The following PRR16 variants were observed in gnomAD, a reference collection of about 807,000 sequenced individuals.
PRR16 encodes proline rich 16.
Under a neutral mutation model 18.2 loss-of-function variants are expected in PRR16, and 6 were observed. The observed-to-expected ratio is 0.33, with a 90% CI of 0.18 to 0.65. The LOEUF (loss-of-function observed/expected upper bound fraction) is 0.65, where lower values mean the gene tolerates loss of function less well. PRR16 is among the 30% of genes least tolerant of loss of function. The pLI is 0.74. For missense variants in PRR16, 412 were observed against 376.6 expected (o/e 1.09, Z -0.78); for synonymous variants, 151 against 147.8 (o/e 1.02, Z -0.16).
At position 120,550,552 on chromosome 5, in the gene PRR16, G is replaced by A. The variant is rs548417549; in HGVS notation, c.159+85907G>A. 2.6e-5 allele frequency among the ~76,000 whole-genome samples: 4 copies of A among 152,096 alleles called. No homozygotes were observed. In the South Asian group the frequency reaches 8.3e-4, roughly 32 times the overall value. ...CCGACAGAAATGAGTGGACTTCAAC[G>A]CATGCAGTAAAAGGGTGTTTGAAAA... On this transcript the variant is annotated intron_variant, in intron 1 of 1. Coordinates refer to ENST00000407149, the MANE Select transcript of PRR16 (RefSeq NM_001300783.2).
In PRR16 at chr5:120,686,122, C is replaced by G; in HGVS notation, c.328C>G (p.Pro110Ala). ...ACCGCTTATTAAACCCCCAGCACAC[C>G]CGTCTGCTATCCTCACGGTCCTGAG... ...NAPLIKPPAH[P>A]SAILTVLRKP... The change falls in exon 2 of 2, where the codon CCG becomes GCG. Residue 110 changes from proline to alanine, a missense_variant. By Grantham distance (27) the Pro-to-Ala change is conservative. Coordinates refer to ENST00000407149, the MANE Select transcript of PRR16 (RefSeq NM_001300783.2). The G allele has an allele frequency of 6.2e-7, 1 of 1,613,932 alleles. No homozygotes were observed. The highest frequency in any genetic ancestry group is 8.5e-7 in the Non-Finnish European group (1 of 1,179,970).
the PRR16 span, among the ~76,000 whole-genome samples, chr5:120,745,426 C>G: frequency 6.6e-6 from 1 of 152,114 alleles, no homozygotes; most frequent in Non-Finnish European, 1.5e-5. Context: ...TCATTATGCT[C>G]TTTCCATCCA....
At chr5:120,791,483 C>T in the PRR16 span, among the ~76,000 whole-genome samples, 1 of 151,768 alleles carries the variant, frequency 6.6e-6, no homozygotes, top group African/African-American at 2.4e-5. Context: ...AGTTTTGTTT[C>T]TGGAATTCTG....
At chr5:120,785,590 TGAGACAGAGTC>T in the PRR16 span, among the ~76,000 whole-genome samples, 5 of 144,446 alleles carry the variant, frequency 3.5e-5, no homozygotes, top group South Asian at 2.2e-4. Flanking sequence ...TTTTTTTTTT[TGAGACAGAGTC>T]TTTCTCTGTC....
Position 120,539,645 on chromosome 5 carries a change from G to A in PRR16, c.159+75000G>A, listed in dbSNP as rs555506944. On this transcript the variant is annotated intron_variant, in intron 1 of 1. Coordinates refer to ENST00000407149, the MANE Select transcript of PRR16 (RefSeq NM_001300783.2). ...TTACCCATGTAACAAACCTGCACAT[G>A]TGCCCCTTGAACCTGAAATAGAACT... 3.3e-5 allele frequency among the ~76,000 whole-genome samples: 5 copies of A among 151,952 alleles called. No homozygotes were observed. In the East Asian group the frequency reaches 9.7e-4, roughly 29 times the overall value.
intron 1 of PRR16, among the ~76,000 whole-genome samples, chr5:120,625,133 C>T (rs1580801430): frequency 6.6e-6 from 1 of 152,056 alleles, no homozygotes; most frequent in South Asian, 2.1e-4. Flanking sequence ...ATTTTTTTGC[C>T]TTTCTTTTGT....
At chr5:120,783,300 T>C in the PRR16 span, among the ~76,000 whole-genome samples, 1 of 152,140 alleles carries the variant, frequency 6.6e-6, no homozygotes, top group Non-Finnish European at 1.5e-5. Context: ...TAATCAGACT[T>C]AAAGATTACA....
intron 1 of PRR16, among the ~76,000 whole-genome samples, chr5:120,673,674 C>T (rs988367074): frequency 2.0e-4 from 30 of 152,082 alleles, no homozygotes; most frequent in Non-Finnish European, 1.9e-4. Flanking sequence ...CACAATGGCT[C>T]ATGCCGATAA....
chr5:120,793,041 A>T, the PRR16 span, among the ~76,000 whole-genome samples: 1 of 152,252 alleles, frequency 6.6e-6, no homozygotes, highest in South Asian at 2.1e-4. Context: ...AGTTCCAGCT[A>T]CTTGGTTAGC....
chr5:120,526,496 C>T (rs1751350668), intron 1 of PRR16, among the ~76,000 whole-genome samples: 1 of 152,008 alleles, frequency 6.6e-6, no homozygotes, highest in South Asian at 2.1e-4. Flanking sequence ...TGAATTATTG[C>T]CGTTCCCTCC....
intron 1 of PRR16, among the ~76,000 whole-genome samples, chr5:120,506,220 A>G (rs569793020): frequency 2.6e-5 from 4 of 152,068 alleles, no homozygotes; most frequent in African/African-American, 7.2e-5. Flanking sequence ...TTAATTTGCA[A>G]TTTTCATAAA....
chr5:120,502,880 G>T (rs1171128796), intron 1 of PRR16, among the ~76,000 whole-genome samples: 1 of 152,108 alleles, frequency 6.6e-6, no homozygotes, highest in Non-Finnish European at 1.5e-5. Context: ...TTCTTATTCA[G>T]ATAGTCTACT....
chr5:120,739,410 A>G, the PRR16 span, among the ~76,000 whole-genome samples: 117 of 152,274 alleles, frequency 7.7e-4, no homozygotes, highest in African/African-American at 2.8e-3. Context: ...CATGGTTATA[A>G]GAGGGCAATG....
intron 1 of PRR16, among the ~76,000 whole-genome samples, chr5:120,542,059 G>A (rs10519637): frequency 0.18 from 27,326 of 151,704 alleles, 3,157 homozygotes; most frequent in East Asian, 0.62. Flanking sequence ...AAAGAACCTC[G>A]GAAAGGGATA....
intron 1 of PRR16, among the ~76,000 whole-genome samples, chr5:120,512,001 A>T (rs189535978): frequency 6.6e-6 from 1 of 152,206 alleles, no homozygotes; most frequent in Non-Finnish European, 1.5e-5. Context: ...TAAATTATTC[A>T]GCTCTATCAT....
the PRR16 span, among the ~76,000 whole-genome samples, chr5:120,752,824 GAAAATGAA>G: frequency 5.3e-5 from 8 of 151,776 alleles, no homozygotes; most frequent in Admixed American, 5.3e-4. Flanking sequence ...GCAGTAGATG[GAAAATGAA>G]AAAATGAAAG....
In PRR16 at chr5:120,471,788, A is replaced by T. The variant is rs144474394; in HGVS notation, c.159+7143A>T. Among the ~76,000 whole-genome samples the T allele has an allele frequency of 3.4e-3, 521 of 152,286 alleles. 4 individuals carry two copies. The highest frequency in any genetic ancestry group is 0.011 in the African/African-American group (451 of 41,592). On this transcript the variant is annotated intron_variant, in intron 1 of 1. Transcript: ENST00000407149. ...GGAACTGGGAACCCAAAGTCAGCAG[A>T]AATTCATCTTTAAACAAGAACCAGA...
In PRR16 at chr5:120,474,817, C is replaced by G. The variant is rs567941414; in HGVS notation, c.159+10172C>G. On this transcript the variant is annotated intron_variant, in intron 1 of 1. Transcript: ENST00000407149. The stretch of plus-strand genomic sequence containing the variant: ...GGATTTGGGAGAAAAAAAGGAGAAA[C>G]TCAGAAAGAATGAAGGGAGCAGTTG... Among the ~76,000 whole-genome samples the G allele has an allele frequency of 3.3e-3, 498 of 152,200 alleles. 2 individuals carry two copies. The highest frequency in any genetic ancestry group is 0.011 in the African/African-American group (470 of 41,526).
At chr5:120,651,946 T>C (rs1172136879) in intron 1 of PRR16, among the ~76,000 whole-genome samples, 1 of 152,112 alleles carries the variant, frequency 6.6e-6, no homozygotes, top group East Asian at 1.9e-4. Flanking sequence ...CGATATTGAT[T>C]CTTCCTACCC....
Sources: allele counts gnomAD v4.1 joint callset (sites outside exome capture counted in the v4.1 genomes callset), GRCh38; gene constraint gnomAD v4.1.1; transcripts MANE v1.5; gene names NCBI Gene and HGNC (gene_info 2026-07-23, HGNC 2026-07-21).